EAF2: variants seen among roughly 807,000 people sequenced by gnomAD.
The protein encoded by EAF2 is ELL-associated factor 2.
A neutral mutation model predicts 29.4 loss-of-function variants in EAF2; 29 were observed. That is an observed-to-expected ratio of 0.99 (90% confidence interval 0.73 to 1.35). The LOEUF (loss-of-function observed/expected upper bound fraction) is 1.35, where lower values mean the gene tolerates loss of function less well. Among genes scored for constraint, EAF2 ranks in the 40% most tolerant of loss-of-function variants. The probability of loss-of-function intolerance (pLI) is 0.00; values close to 1 mark genes in which losing one functional copy is unlikely to be tolerated. For synonymous variants in EAF2, 103 were observed against 102.5 expected, an observed-to-expected ratio of 1.00 and a Z score of -0.03; for missense variants, 292 against 312.0, an observed-to-expected ratio of 0.94 and a Z score of 0.48.
intron 4 of EAF2, among the ~76,000 whole-genome samples, chr3:121,857,705 G>C (rs142127468): frequency 0.1 from 15,380 of 151,890 alleles, 816 homozygotes; most frequent in South Asian, 0.16. Flanking sequence ...TAAGTTCTAG[G>C]GTACATGTAC....
chr3:121,881,399 C>T (rs1709188479), intron 5 of EAF2, among the ~76,000 whole-genome samples: 1 of 151,832 alleles, frequency 6.6e-6, no homozygotes, highest in Non-Finnish European at 1.5e-5. Flanking sequence ...TGTACTTGAC[C>T]TGTTCATGTT....
Position 121,844,153 on chromosome 3 carries a change from T to G in EAF2, c.107-300T>G, listed in dbSNP as rs374106804. 8.7e-4 allele frequency among the ~76,000 whole-genome samples: 132 copies of G among 151,634 alleles called. 1 individual carries two copies. The highest frequency in any genetic ancestry group is 3.1e-3 in the African/African-American group (126 of 41,290). On this transcript the variant is annotated intron_variant, in intron 1 of 5. Transcript: ENST00000273668. Reference sequence around the variant, plus strand: ...GCAAGTTGTGAAAACACTGACATTATTTAGTTTTTAGCAGTAGAACATGTT... The same window carrying G: ...GCAAGTTGTGAAAACACTGACATTAGTTAGTTTTTAGCAGTAGAACATGTT...
chr3:121,866,622 G>A (rs1413685340), intron 4 of EAF2, among the ~76,000 whole-genome samples: 1 of 152,108 alleles, frequency 6.6e-6, no homozygotes, highest in African/African-American at 2.4e-5. Context: ...CTACTTGGGA[G>A]GCTGAGGCAG....
chr3:121,835,416 G>C (rs920514260), intron 1 of EAF2, 25 bp downstream of exon 1: 2 of 1,604,360 alleles, frequency 1.2e-6, no homozygotes, highest in Non-Finnish European at 8.5e-7. Flanking sequence ...TCCGGGGATA[G>C]AGGGGGAGCC....
At chr3:121,851,760 A>G (rs764876853) in intron 2 of EAF2, among the ~76,000 whole-genome samples, 4 of 152,196 alleles carry the variant, frequency 2.6e-5, no homozygotes, top group Non-Finnish European at 5.9e-5. Flanking sequence ...TTGGAAAGAG[A>G]GTAGGGAGGA....
chr3:121,876,653 G>A (rs1031587997), intron 5 of EAF2, among the ~76,000 whole-genome samples: 2 of 151,856 alleles, frequency 1.3e-5, no homozygotes, highest in Non-Finnish European at 2.9e-5. Flanking sequence ...CATGTTAGGA[G>A]GATAGATACA....
chr3:121,862,644 T>C (rs1366168792), intron 4 of EAF2, among the ~76,000 whole-genome samples: 1 of 152,260 alleles, frequency 6.6e-6, no homozygotes, highest in Non-Finnish European at 1.5e-5. Context: ...AGAAGTTTGT[T>C]ATCACCAATT....
intron 3 of EAF2, 35 bp downstream of exon 3, chr3:121,854,858 C>G (rs1381671450): frequency 6.8e-7 from 1 of 1,474,720 alleles, no homozygotes; most frequent in Admixed American, 2.7e-5. Context: ...ATATTATAAA[C>G]ATAAATTTCT....
At chr3:121,868,853 A>G (rs906583641) in intron 4 of EAF2, among the ~76,000 whole-genome samples, 4 of 152,220 alleles carry the variant, frequency 2.6e-5, no homozygotes, top group Admixed American at 2.0e-4. Flanking sequence ...GATCTGAGTA[A>G]CACAATCAAC....
chr3:121,838,795 C>T (rs2107490587), intron 1 of EAF2, among the ~76,000 whole-genome samples: 1 of 152,250 alleles, frequency 6.6e-6, no homozygotes, highest in East Asian at 1.9e-4. Flanking sequence ...TAATTTTCAT[C>T]AGGTTTTCAT....
At chr3:121,860,037 G>A (rs1708797651) in intron 4 of EAF2, among the ~76,000 whole-genome samples, 1 of 152,176 alleles carries the variant, frequency 6.6e-6, no homozygotes, top group Admixed American at 6.5e-5. Flanking sequence ...TGATCATGGT[G>A]GATAAGCTTT....
At chr3:121,868,872 T>C (rs1708967073) in intron 4 of EAF2, among the ~76,000 whole-genome samples, 1 of 152,178 alleles carries the variant, frequency 6.6e-6, no homozygotes, top group African/African-American at 2.4e-5. Context: ...ACCCACACGA[T>C]GTAATTGACA....
In EAF2 at chr3:121,854,750, T is replaced by C; in HGVS notation, c.265T>C (p.Leu89=). 1 of 1,568,610 alleles carries C rather than the reference T, an allele frequency of 6.4e-7. No individual in the cohort carries two copies. The highest frequency in any genetic ancestry group is 1.2e-5 in the South Asian group (1 of 81,244). ...AAAACCTTACTTAAAAGAATGCATTTTGATTATTAACCATGATACTGGAGA... is the reference window on the plus strand; with the variant it reads ...AAAACCTTACTTAAAAGAATGCATTCTGATTATTAACCATGATACTGGAGA... ...SKKPYLKECI[L]IINHDTGECR... is the part of the protein sequence containing the mutation. The change falls in exon 3 of 6, where the codon TTG becomes CTG. Residue 89 remains leucine (L), a synonymous_variant. Coordinates refer to ENST00000273668, the MANE Select transcript of EAF2 (RefSeq NM_018456.6).
chr3:121,874,234 A>G (rs1331034853), intron 5 of EAF2, among the ~76,000 whole-genome samples: 1 of 151,886 alleles, frequency 6.6e-6, no homozygotes, highest in Admixed American at 6.6e-5. Context: ...GCTTTAGCCT[A>G]ATAATAGAAC....
At chr3:121,861,061 A>G (rs767877540) in intron 4 of EAF2, among the ~76,000 whole-genome samples, 5 of 152,012 alleles carry the variant, frequency 3.3e-5, no homozygotes, top group Admixed American at 6.6e-5. Flanking sequence ...CTATTCTTTT[A>G]TATTTGCTGA....
At chr3:121,866,596 G>A (rs757989345) in intron 4 of EAF2, among the ~76,000 whole-genome samples, 5 of 151,938 alleles carry the variant, frequency 3.3e-5, no homozygotes, top group South Asian at 2.1e-4. Flanking sequence ...GTGGTGGCAC[G>A]CACCTATAAT....
chr3:121,869,258 G>A (rs550720976), intron 4 of EAF2, among the ~76,000 whole-genome samples: 1 of 152,294 alleles, frequency 6.6e-6, no homozygotes, highest in South Asian at 2.1e-4. Context: ...TACATTAGAA[G>A]TGAGGAAAGT....
intron 4 of EAF2, among the ~76,000 whole-genome samples, chr3:121,863,888 T>C (rs905341407): frequency 1.3e-5 from 2 of 152,260 alleles, no homozygotes; most frequent in East Asian, 1.9e-4. Context: ...TTTAGATATA[T>C]GTAACTGGAG....
rs564975281 is a variant in EAF2 at position 121,854,815 on chromosome 3, A to G, written c.330A>G (p.Lys110=). The part of the protein sequence containing the change: ...LEKLSSNITV[K]KTRVEGSSKI... ...AACTCAGCAGCAACATCACTGTAAA[A>G]AAAACAAGGTATGTGGTTTAATGAA... Residue 110 remains lysine, a synonymous_variant, in exon 3 of 6, where the codon AAA becomes AAG. Transcript: ENST00000273668. 72 of 1,565,578 alleles carry G rather than the reference A, an allele frequency of 4.6e-5. No homozygotes were observed. The African/African-American group carries it at 7.2e-4, about 16-fold the overall frequency.
Sources: gnomAD v4.1 joint callset for allele counts (sites outside exome capture counted in the v4.1 genomes callset) on GRCh38, gnomAD v4.1.1 for gene constraint, MANE v1.5 for transcripts, NCBI Gene and HGNC (gene_info 2026-07-23, HGNC 2026-07-21) for gene names.